Variants in ARFGAP3 observed in about 807,000 individuals in gnomAD.
ARFGAP3 encodes ADP-ribosylation factor GTPase-activating protein 3.
A neutral mutation model predicts 75.0 loss-of-function variants in ARFGAP3; 72 were observed. That is an observed-to-expected ratio of 0.96 (90% CI 0.79 to 1.17). The LOEUF is 1.17. Ranked by LOEUF, ARFGAP3 falls within the 50% of genes most tolerant of loss-of-function variation. The pLI is 0.00. For synonymous variants in ARFGAP3, 221 were observed against 217.9 expected, an observed-to-expected ratio of 1.01 and a Z score of -0.13; for missense variants, 620 against 626.6, an observed-to-expected ratio of 0.99 and a Z score of 0.11.
chr22:42,819,428 T>A (rs1445589004), intron 9 of ARFGAP3, among the ~76,000 whole-genome samples: 5 of 152,196 alleles, frequency 3.3e-5, no homozygotes, highest in Non-Finnish European at 7.3e-5. Context: ...TGACATGGAC[T>A]GGGTCACTCA....
In ARFGAP3 at chr22:42,799,161, C is replaced by T. The variant is rs1602085512; in HGVS notation, c.1412-1G>A. The stretch of plus-strand genomic sequence containing the variant: ...AGCACACTGGACAGGCTGTAGTTCC[C>T]TGCACACACACAGCAGACACTGTCT... On this transcript the variant is annotated splice_acceptor_variant, in intron 14 of 15. Transcript: ENST00000263245. LOFTEE classifies it high-confidence loss of function. 11 of 1,614,022 alleles carry T rather than the reference C, an allele frequency of 6.8e-6. No homozygotes were observed. In the East Asian group the frequency reaches 2.2e-4, roughly 33 times the overall value.
Position 42,822,338 on chromosome 22 carries a change from T to C in ARFGAP3, c.744A>G (p.Gln248=), listed in dbSNP as rs1416309485. ...ANTCFNEIEK[Q]AQAADKMKEQ... is the part of the protein sequence containing the mutation. Reference sequence around the variant, plus strand: ...CCTTCATTTTATCCGCAGCTTGAGCTTGTTTTTCAATTTCATTAAAGCATG... The same window carrying C: ...CCTTCATTTTATCCGCAGCTTGAGCCTGTTTTTCAATTTCATTAAAGCATG... The change falls in exon 9 of 16, where the codon CAA becomes CAG. Residue 248 remains glutamine (Q), a synonymous_variant. Transcript: ENST00000263245. 6 of 1,614,214 alleles carry C rather than the reference T, an allele frequency of 3.7e-6. No individual in the cohort carries two copies. The highest frequency in any genetic ancestry group is 5.1e-6 in the Non-Finnish European group (6 of 1,180,032).
chr22:42,810,620 C>T (rs1925324389), intron 12 of ARFGAP3, among the ~76,000 whole-genome samples, 193 bp downstream of exon 12: 1 of 152,190 alleles, frequency 6.6e-6, no homozygotes, highest in African/African-American at 2.4e-5. Context: ...CTGGCGTGAT[C>T]ATAGCTCACT....
intron 14 of ARFGAP3, among the ~76,000 whole-genome samples, chr22:42,799,809 A>G (rs1239349759): frequency 1.3e-5 from 2 of 152,166 alleles, no homozygotes; most frequent in Admixed American, 1.3e-4. Context: ...ACCTCCCCCA[A>G]GGAGGTGAGC....
chr22:42,799,114 C>T lies in ARFGAP3; in HGVS notation c.1458G>A (p.Ala486=), dbSNP rs1046042109. 10 of 1,614,066 alleles carry T rather than the reference C, an allele frequency of 6.2e-6. No individual in the cohort carries two copies. The highest frequency in any genetic ancestry group is 5.3e-5 in the African/African-American group (4 of 74,920). ...CCGATCTCACTCCCTGCTTGAACTG[C>T]GCCATGTCGGGGGCGTTGGGCAGCA... ...SSVLPNAPDM[A]QFKQGVRSVA... is the part of the protein sequence containing the mutation. Residue 486 remains alanine (A), a synonymous_variant, in exon 15 of 16, where the codon GCG becomes GCA. Coordinates refer to ENST00000263245, the MANE Select transcript of ARFGAP3 (RefSeq NM_014570.5).
At chr22:42,855,553 G>C (rs1335848311) in intron 1 of ARFGAP3, among the ~76,000 whole-genome samples, 7 of 152,042 alleles carry the variant, frequency 4.6e-5, no homozygotes, top group African/African-American at 1.7e-4. Context: ...GAGTGTAGTG[G>C]TGGATGCCTG....
At chr22:42,809,128 T>C (rs971649465) in intron 12 of ARFGAP3, 3 of 174,244 alleles carry the variant, frequency 1.7e-5, no homozygotes, top group Non-Finnish European at 3.4e-5. Flanking sequence ...AGTTCAAATA[T>C]GTTATATCAC....
chr22:42,812,535 C>T (rs1364902077), intron 11 of ARFGAP3, among the ~76,000 whole-genome samples: 6 of 152,036 alleles, frequency 3.9e-5, no homozygotes, highest in Non-Finnish European at 7.4e-5. Context: ...TCAGAGGGGC[C>T]AGTAACCAAA....
intron 6 of ARFGAP3, among the ~76,000 whole-genome samples, chr22:42,829,171 A>G (rs879480613): frequency 6.6e-6 from 1 of 152,224 alleles, no homozygotes; most frequent in Non-Finnish European, 1.5e-5. Flanking sequence ...ATCTTAAAAA[A>G]CAATCTCTCT....
intron 11 of ARFGAP3, 114 bp from the exon 12 acceptor site, chr22:42,811,058 TA>T: frequency 1.4e-6 from 2 of 1,471,278 alleles, no homozygotes; most frequent in Non-Finnish European, 1.8e-6. Flanking sequence ...GGCAGTCACA[TA>T]ACTAGGTCTA....
chr22:42,842,515 T>C (rs995392149), intron 2 of ARFGAP3, among the ~76,000 whole-genome samples: 1 of 151,560 alleles, frequency 6.6e-6, no homozygotes, highest in Non-Finnish European at 1.5e-5. Context: ...TGAGGCGATC[T>C]CAGCTCATGG....
chr22:42,837,327 A>G (rs5758976), intron 3 of ARFGAP3, among the ~76,000 whole-genome samples: 26,660 of 152,042 alleles, frequency 0.18, 3,699 homozygotes, highest in East Asian at 0.56. Flanking sequence ...TAAAAAATTA[A>G]TAAGAAACAC....
chr22:42,808,643 T>C, intron 13 of ARFGAP3, 124 bp downstream of exon 13: 1 of 732,504 alleles, frequency 1.4e-6, no homozygotes, highest in Non-Finnish European at 2.2e-6. Flanking sequence ...CTCCAGCACT[T>C]TCAGGCCAGA....
chr22:42,840,811 G>A (rs1042379198), intron 3 of ARFGAP3, 133 bp downstream of exon 3: 15 of 889,552 alleles, frequency 1.7e-5, no homozygotes, highest in Admixed American at 5.3e-5. Flanking sequence ...CCTCCCAAAC[G>A]CCTGTAATTT....
chr22:42,821,077 T>C (rs1185349152), intron 9 of ARFGAP3, among the ~76,000 whole-genome samples: 1 of 152,184 alleles, frequency 6.6e-6, no homozygotes, highest in African/African-American at 2.4e-5. Context: ...TCATTCCACC[T>C]TCTTCATTCT....
chr22:42,806,997 GA>G, intron 14 of ARFGAP3, 75 bp downstream of exon 14: 1 of 1,355,782 alleles, frequency 7.4e-7, no homozygotes, highest in Non-Finnish European at 9.8e-7. Context: ...CTTGGAAAAG[GA>G]AACAGTCCTA....
At chr22:42,816,954 C>T (rs1181516854) in intron 11 of ARFGAP3, among the ~76,000 whole-genome samples, 188 bp downstream of exon 11, 1 of 152,160 alleles carries the variant, frequency 6.6e-6, no homozygotes, top group Non-Finnish European at 1.5e-5. Flanking sequence ...TTAATATTAG[C>T]CAACGTTGTT....
At chr22:42,848,587 A>C (rs1927129658) in intron 1 of ARFGAP3, among the ~76,000 whole-genome samples, 1 of 152,196 alleles carries the variant, frequency 6.6e-6, no homozygotes, top group Admixed American at 6.5e-5. Context: ...AACATGCCTT[A>C]TCCTTGAAGC....
chr22:42,801,564 G>C (rs1439130487), intron 14 of ARFGAP3, among the ~76,000 whole-genome samples: 4 of 152,238 alleles, frequency 2.6e-5, no homozygotes, highest in African/African-American at 9.6e-5. Flanking sequence ...CTTAAGGCTT[G>C]TGCTGGAGGC....
Sources: allele counts gnomAD v4.1 joint callset (sites outside exome capture counted in the v4.1 genomes callset), GRCh38; gene constraint gnomAD v4.1.1; transcripts MANE v1.5; gene names NCBI Gene and HGNC (gene_info 2026-07-23, HGNC 2026-07-21).